DNMBP: variants seen among roughly 807,000 people sequenced by gnomAD.
DNMBP encodes dynamin binding protein.
In DNMBP, 87 loss-of-function variants were observed where a neutral mutation model predicts 150.0. The observed-to-expected ratio is 0.58, with a 90% CI of 0.49 to 0.69. The LOEUF (loss-of-function observed/expected upper bound fraction) is 0.69, where lower values mean the gene tolerates loss of function less well. Ranked by LOEUF, DNMBP falls within the 30% of genes least tolerant of loss-of-function variation. DNMBP has a pLI of 0.00. For missense variants in DNMBP, 1,774 were observed against 1,949.0 expected, an observed-to-expected ratio of 0.91 and a Z score of 1.69; for synonymous variants, 711 against 750.4, an observed-to-expected ratio of 0.95 and a Z score of 0.86.
chr10:99,904,353 G>A (rs1166591756), intron 6 of DNMBP, among the ~76,000 whole-genome samples: 1 of 152,100 alleles, frequency 6.6e-6, no homozygotes, highest in Admixed American at 6.6e-5. Context: ...TCGGCGGGAT[G>A]TGTTTAAAAT....
At chr10:99,919,650 G>A (rs997634708) in intron 4 of DNMBP, among the ~76,000 whole-genome samples, 2 of 152,174 alleles carry the variant, frequency 1.3e-5, no homozygotes, top group Admixed American at 6.6e-5. Context: ...AGAATTAGCC[G>A]GATGTGGTGG....
chr10:99,989,037 A>C (rs1248599623), intron 1 of DNMBP, among the ~76,000 whole-genome samples: 2 of 152,160 alleles, frequency 1.3e-5, no homozygotes, highest in African/African-American at 4.8e-5. Context: ...TTATTCTTAT[A>C]ATATATACGC....
In DNMBP at chr10:99,956,292, C is replaced by T; in HGVS notation, c.1182G>A (p.Met394Ile). 1 of 1,613,272 alleles carries T rather than the reference C, an allele frequency of 6.2e-7. No homozygotes were observed. The highest frequency in any genetic ancestry group is 1.1e-5 in the South Asian group (1 of 91,040). ...ATGTGGGAGAGTCTGTGGCAAGAGG[C>T]ATTTCCCACTCCACGCCTGGGCTTC... ...PPRSPGVEWE[M>I]PLATDSPTSD... is the part of the protein sequence containing the mutation. Residue 394 changes from methionine (M) to isoleucine (I), a missense_variant, in exon 4 of 17, where the codon ATG becomes ATA. Physicochemically the swap from Met to Ile is conservative, Grantham distance 10. Transcript: ENST00000324109.
intron 4 of DNMBP, among the ~76,000 whole-genome samples, chr10:99,922,295 A>G (rs1314050208): frequency 1.3e-5 from 2 of 151,982 alleles, no homozygotes; most frequent in African/African-American, 4.8e-5. Context: ...TGTACCCCTT[A>G]ACACCCTCAG....
intron 1 of DNMBP, among the ~76,000 whole-genome samples, chr10:100,002,128 G>A (rs2133390077): frequency 6.6e-6 from 1 of 152,244 alleles, no homozygotes; most frequent in Non-Finnish European, 1.5e-5. Flanking sequence ...ATGATATAGT[G>A]CAATGTTAAG....
At position 99,886,589 on chromosome 10, in the gene DNMBP, A is replaced by G. The variant is rs1354181220; in HGVS notation, c.3329T>C (p.Leu1110Ser). ...ERLVISPLNQLLSMFTGPHKL... is the reference protein window; with the variant it reads ...ERLVISPLNQSLSMFTGPHKL... ...ATGGGGCCCTGTAAACATGCTCAGTAACTGATTTAAGGGGGAGATGACAAG... is the reference window on the plus strand; with the variant it reads ...ATGGGGCCCTGTAAACATGCTCAGTGACTGATTTAAGGGGGAGATGACAAG... Residue 1110 changes from leucine (L) to serine (S), a missense_variant, in exon 13 of 17, where the codon TTA becomes TCA. Physicochemically the swap from Leu to Ser is moderately radical, Grantham distance 145. Around this residue, in one of 2 missense-constraint regions of DNMBP, gnomAD observed 1,430 missense variants for 1,492.5 expected, o/e 0.96. Coordinates refer to ENST00000324109, the MANE Select transcript of DNMBP (RefSeq NM_015221.4). 1.2e-6 allele frequency: 2 copies of G among 1,614,128 alleles called. No homozygotes were observed. Among genetic ancestry groups the G allele is most frequent in the Non-Finnish European group, 1.7e-6 (2 of 1,180,006 alleles).
intron 12 of DNMBP, among the ~76,000 whole-genome samples, chr10:99,888,321 C>T (rs1047674379): frequency 1.3e-5 from 2 of 152,060 alleles, no homozygotes; most frequent in African/African-American, 2.4e-5. Flanking sequence ...AGCTATTCTC[C>T]AGCCTCGGCC....
At chr10:99,930,275 A>AC (rs1483345543) in intron 4 of DNMBP, 6 of 702,702 alleles carry the variant, frequency 8.5e-6, no homozygotes, top group Admixed American at 2.0e-5. Flanking sequence ...AATCATCCAA[A>AC]CCCCTACAGT....
At chr10:99,988,873 G>A (rs2040856387) in intron 1 of DNMBP, among the ~76,000 whole-genome samples, 1 of 152,092 alleles carries the variant, frequency 6.6e-6, no homozygotes, top group African/African-American at 2.4e-5. Flanking sequence ...TGTTGGCCAG[G>A]CTGGTCTCAA....
intron 4 of DNMBP, among the ~76,000 whole-genome samples, chr10:99,922,527 T>TA (rs71009788): frequency 2.2e-4 from 17 of 78,962 alleles, no homozygotes; most frequent in African/African-American, 3.2e-4. Context: ...TTTTTTTTCT[T>TA]AAAAAAAAAA....
At chr10:99,933,784 T>C (rs1217823553) in intron 4 of DNMBP, among the ~76,000 whole-genome samples, 2 of 152,358 alleles carry the variant, frequency 1.3e-5, no homozygotes, top group Non-Finnish European at 2.9e-5. Context: ...TCACTCAGGC[T>C]GGAGTGCAGT....
chr10:99,997,259 T>C (rs1015893447), intron 1 of DNMBP, among the ~76,000 whole-genome samples: 1 of 152,214 alleles, frequency 6.6e-6, no homozygotes, highest in African/African-American at 2.4e-5. Flanking sequence ...GGGTACTTAT[T>C]CTCTTAACAA....
chr10:99,927,281 C>G (rs1202727552), intron 4 of DNMBP: 1 of 152,112 alleles, frequency 6.6e-6, no homozygotes, highest in South Asian at 2.1e-4. Context: ...AACTCAGAGA[C>G]GAAACCATGG....
At chr10:99,920,467 C>T (rs187342579) in intron 4 of DNMBP, among the ~76,000 whole-genome samples, 55 of 152,158 alleles carry the variant, frequency 3.6e-4, no homozygotes, top group Non-Finnish European at 5.9e-4. Context: ...TCCCAGACTT[C>T]GACTTTTGGG....
At chr10:99,936,367 G>T (rs1449376443) in intron 4 of DNMBP, among the ~76,000 whole-genome samples, 4 of 152,116 alleles carry the variant, frequency 2.6e-5, no homozygotes, top group Admixed American at 2.6e-4. Flanking sequence ...CAAAAGTGGT[G>T]ATTATTGGTA....
chr10:99,905,837 G>A (rs957935092), intron 6 of DNMBP, among the ~76,000 whole-genome samples: 2 of 152,186 alleles, frequency 1.3e-5, no homozygotes, highest in Admixed American at 1.3e-4. Flanking sequence ...GGGCCTGATG[G>A]TGCATGCCTA....
chr10:99,935,370 T>G (rs1445454538), intron 4 of DNMBP, among the ~76,000 whole-genome samples: 1 of 149,430 alleles, frequency 6.7e-6, no homozygotes. Context: ...ACAGACTTAG[T>G]TTTTTTTTTC....
At chr10:99,909,716 T>A (rs775987198) in intron 4 of DNMBP, among the ~76,000 whole-genome samples, 4 of 151,930 alleles carry the variant, frequency 2.6e-5, no homozygotes, top group Admixed American at 1.3e-4. Context: ...GTAAAAAAAA[T>A]TGTTTAGATT....
intron 4 of DNMBP, among the ~76,000 whole-genome samples, chr10:99,909,657 T>C (rs1423659007): frequency 1.3e-5 from 2 of 152,178 alleles, no homozygotes; most frequent in Non-Finnish European, 2.9e-5. Context: ...GGACCTATCA[T>C]TTTCCAGTCA....
Sources: gnomAD v4.1 joint callset for allele counts (sites outside exome capture counted in the v4.1 genomes callset) on GRCh38, gnomAD v4.1.1 for gene constraint, gnomAD v4.1.1 regional missense constraint, MANE v1.5 for transcripts, NCBI Gene and HGNC (gene_info 2026-07-23, HGNC 2026-07-21) for gene names.